The following PNKD variants were observed in gnomAD, a reference collection of about 807,000 sequenced individuals.
PNKD encodes PNKD metallo-beta-lactamase domain containing, also known as probable thioesterase PNKD.
Under a neutral mutation model 45.3 loss-of-function variants are expected in PNKD, and 36 were observed. The ratio of observed to expected loss-of-function variants is 0.80; its 90% CI spans 0.61 to 1.05. The LOEUF (loss-of-function observed/expected upper bound fraction) is 1.05. Ranked by LOEUF, PNKD falls within the 50% of genes least tolerant of loss-of-function variation. The pLI is 0.00. For missense variants in PNKD, 511 were observed against 506.6 expected (o/e 1.01, Z -0.08); for synonymous variants, 197 against 210.1 (o/e 0.94, Z 0.54).
Position 218,319,462 on chromosome 2 carries a change from G to T in PNKD, c.237-20321G>T, listed in dbSNP as rs974519011. On this transcript the variant is annotated intron_variant, in intron 2 of 9. Coordinates refer to ENST00000273077, the MANE Select transcript of PNKD (RefSeq NM_015488.5). ...ATGATCTCGGCTCACTGCAACCTCC[G>T]CCTCTTAGGTTCAAGCAGTTCTCCT... 4.6e-5 allele frequency among the ~76,000 whole-genome samples: 6 copies of T among 131,426 alleles called. No individual in the cohort carries two copies. The Admixed American group carries it at 4.7e-4, about 10-fold the overall frequency. The allele number at this position is 131,426 out of a possible 152,430, so 86.2% of individuals were successfully genotyped here.
chr2:218,279,921 T>C (rs1574637746), intron 2 of PNKD: 2 of 830,002 alleles, frequency 2.4e-6, no homozygotes, highest in Non-Finnish European at 4.2e-6. Flanking sequence ...AGGCAGCCAG[T>C]GTATTTCATG....
chr2:218,293,293 A>C (rs1693042278), intron 2 of PNKD, among the ~76,000 whole-genome samples: 1 of 152,228 alleles, frequency 6.6e-6, no homozygotes, highest in South Asian at 2.1e-4. Flanking sequence ...CTGAAATATT[A>C]CTGGAGCCTG....
chr2:218,327,954 C>T (rs1259344133), intron 2 of PNKD: 1 of 83,642 alleles, frequency 1.2e-5, no homozygotes, highest in Admixed American at 1.7e-4. Context: ...AAGAGTGAAA[C>T]TCCATCTGAA....
intron 2 of PNKD, chr2:218,323,272 C>G (rs759716706): frequency 6.5e-7 from 1 of 1,532,654 alleles, no homozygotes; most frequent in Non-Finnish European, 8.7e-7. Flanking sequence ...CCCAGCATGG[C>G]TTGGCAGGGC....
rs1364063133 is a variant in PNKD, at chr2:218,340,182, T to C, written c.465+41T>C. 4 of 1,289,456 alleles carry C rather than the reference T, an allele frequency of 3.1e-6. No individual in the cohort carries two copies. The highest frequency in any genetic ancestry group is 1.8e-4 in the Middle Eastern group (1 of 5,480). The allele number at this position is 1,289,456 out of a possible 1,614,324, so 79.9% of individuals were successfully genotyped here. A position where few individuals can be genotyped will look rare whatever the true frequency, so the allele number is the denominator to read the frequency against. On this transcript the variant is annotated intron_variant, in intron 4 of 9. Transcript: ENST00000273077. The surrounding 1 kb of genome is among the most constrained non-coding windows in gnomAD (Gnocchi z 4.2). ...GGAGCAGGGGGTGCCTGGAGTCACC[T>C]TGGGGACTGGCAGTTTCGCCTTGCT...
chr2:218,274,537 G>A (rs966396039), intron 2 of PNKD: 1 of 154,738 alleles, frequency 6.5e-6, no homozygotes, highest in African/African-American at 2.4e-5. Context: ...GTAGGCTTCG[G>A]TATCTCCCTA....
At chr2:218,317,134 A>G (rs1693837530) in intron 2 of PNKD, among the ~76,000 whole-genome samples, 1 of 152,160 alleles carries the variant, frequency 6.6e-6, no homozygotes. Context: ...TTCCAGGTGA[A>G]TCTAGGGTGT....
At position 218,340,172 on chromosome 2, in the gene PNKD, T is replaced by C. The variant is rs770370734; in HGVS notation, c.465+31T>C. Reference sequence around the variant, plus strand: ...GGGAGGGCAGGGAGCAGGGGGTGCCTGGAGTCACCTTGGGGACTGGCAGTT... The same window carrying C: ...GGGAGGGCAGGGAGCAGGGGGTGCCCGGAGTCACCTTGGGGACTGGCAGTT... On this transcript the variant is annotated intron_variant, in intron 4 of 9. Transcript: ENST00000273077. The surrounding 1 kb of genome is among the most constrained non-coding windows in gnomAD (Gnocchi z 4.2). 2.9e-6 allele frequency: 4 copies of C among 1,392,494 alleles called. No individual in the cohort carries two copies. The highest frequency in any genetic ancestry group is 2.8e-5 in the African/African-American group (2 of 70,410). 86.3% of individuals were successfully genotyped at this position (1,392,494 alleles called of 1,614,324 possible). A position where few individuals can be genotyped will look rare whatever the true frequency, so the allele number is the denominator to read the frequency against.
intron 2 of PNKD, among the ~76,000 whole-genome samples, chr2:218,338,791 ATTTT>A (rs372040108): frequency 3.4e-5 from 4 of 117,504 alleles, no homozygotes; most frequent in Admixed American, 9.1e-5. Context: ...GCCTCAGATG[ATTTT>A]TTTTTTTTTT....
At chr2:218,343,129 G>A (rs1032812590) in intron 7 of PNKD, among the ~76,000 whole-genome samples, 1 of 152,188 alleles carries the variant, frequency 6.6e-6, no homozygotes, top group Non-Finnish European at 1.5e-5. Flanking sequence ...TAGGTGAGTG[G>A]GTGGGTGAGG....
chr2:218,292,571 C>A (rs1284558802), intron 2 of PNKD: 1 of 151,964 alleles, frequency 6.6e-6, no homozygotes, highest in African/African-American at 2.4e-5. Context: ...CCCGTCGCGC[C>A]GGCCTCGTGG....
chr2:218,317,900 C>T (rs1168985564), intron 2 of PNKD: 1 of 152,262 alleles, frequency 6.6e-6, no homozygotes, highest in Non-Finnish European at 1.5e-5. Flanking sequence ...CTAAACTGAA[C>T]TAATTTCTCC....
chr2:218,300,018 A>G (rs775827209), intron 2 of PNKD, among the ~76,000 whole-genome samples: 32 of 152,104 alleles, frequency 2.1e-4, no homozygotes, highest in Non-Finnish European at 4.1e-4. Context: ...CAGCCTCCCA[A>G]TGTGCTGGGA....
chr2:218,272,774 AC>A, intron 2 of PNKD: 1 of 1,613,434 alleles, frequency 6.2e-7, no homozygotes, highest in Non-Finnish European at 8.5e-7. Context: ...GAGCGCTGCG[AC>A]CCTCCTAGGC....
intron 2 of PNKD, among the ~76,000 whole-genome samples, chr2:218,328,236 G>A (rs1261004589): frequency 6.6e-6 from 1 of 152,110 alleles, no homozygotes; most frequent in Non-Finnish European, 1.5e-5. Context: ...GTAATCCCAG[G>A]CCTCAAATAC....
At chr2:218,292,284 C>G (rs1692980836) in intron 2 of PNKD, among the ~76,000 whole-genome samples, 1 of 152,192 alleles carries the variant, frequency 6.6e-6, no homozygotes, top group South Asian at 2.1e-4. Context: ...CCAGGGAGAG[C>G]GAAACGCCAA....
At position 218,271,404 on chromosome 2, in the gene PNKD, A is replaced by T. The variant is rs1439620304; in HGVS notation, c.91A>T (p.Asn31Tyr). ...AGGGATTCTCGCAGGAGCCACAGCT[A>T]ACAAGGCTTCTCATAACAGGACCCG... Reference protein sequence around the residue: ...LRGILAGATANKASHNRTRAL... With the variant: ...LRGILAGATAYKASHNRTRAL... The change falls in exon 2 of 10, where the codon AAC becomes TAC. Residue 31 changes from asparagine to tyrosine, a missense_variant. By Grantham distance (143) the Asn-to-Tyr change is moderately radical. Coordinates refer to ENST00000273077, the MANE Select transcript of PNKD (RefSeq NM_015488.5). 1 of 1,613,826 alleles carries T rather than the reference A, an allele frequency of 6.2e-7. No homozygotes were observed. The highest frequency in any genetic ancestry group is 1.7e-5 in the Admixed American group (1 of 60,006).
intron 2 of PNKD, among the ~76,000 whole-genome samples, chr2:218,294,997 G>A (rs1693107683): frequency 6.6e-6 from 1 of 152,190 alleles, no homozygotes; most frequent in Admixed American, 6.5e-5. Flanking sequence ...TATCCAAGGA[G>A]ATTCCATTTC....
chr2:218,328,549 C>G (rs1694222013), intron 2 of PNKD, among the ~76,000 whole-genome samples: 1 of 152,166 alleles, frequency 6.6e-6, no homozygotes. Flanking sequence ...TGCCTGGCAC[C>G]TAGGTGGCCC....
Sources: gnomAD v4.1 joint callset for allele counts (sites outside exome capture counted in the v4.1 genomes callset) on GRCh38, gnomAD v4.1.1 for gene constraint, Gnocchi (gnomAD v3.1) non-coding constraint, MANE v1.5 for transcripts, NCBI Gene and HGNC (gene_info 2026-07-23, HGNC 2026-07-21) for gene names.